The following ZDHHC16 variants were observed in gnomAD, a reference collection of about 807,000 sequenced individuals.
The protein encoded by ZDHHC16 is palmitoyltransferase ZDHHC16.
ZDHHC16 carries 33 observed loss-of-function variants against 54.4 expected under a neutral mutation model. The ratio of observed to expected loss-of-function variants is 0.61; its 90% CI spans 0.46 to 0.81. The LOEUF is 0.81. Among genes scored for constraint, ZDHHC16 ranks in the 30% least tolerant of loss-of-function variants. ZDHHC16 has a pLI of 0.00. For synonymous variants in ZDHHC16, 185 were observed against 182.1 expected, an observed-to-expected ratio of 1.02 and a Z score of -0.13; for missense variants, 420 against 485.9, an observed-to-expected ratio of 0.86 and a Z score of 1.28.
Position 97,455,484 on chromosome 10 carries a change from A to G in ZDHHC16, c.825-176A>G, listed in dbSNP as rs1050141248. 8.0e-5 allele frequency: 91 copies of G among 1,135,546 alleles called. No homozygotes were observed. The African/African-American group carries it at 1.0e-3, about 13-fold the overall frequency. 70.3% of individuals were successfully genotyped at this position (1,135,546 alleles called of 1,614,324 possible). On this transcript the variant is annotated intron_variant, in intron 9 of 11. Transcript: ENST00000393760. ...TCTTAGGCCACTTTGATGCTTTTTC[A>G]TTGATGCTCTTTATAGACATAGTGA...
chr10:97,449,858 A>ATTTTTTTTTTTTTTTTTTTTTTT (rs1412478223), intron 1 of ZDHHC16, among the ~76,000 whole-genome samples: 1 of 62,354 alleles, frequency 1.6e-5, no homozygotes, highest in African/African-American at 6.8e-5. Context: ...ACTCCCCTTA[A>ATTTTTTTTTTTTTTTTTTTTTTT]TTCTTTTTTT....
In ZDHHC16 at chr10:97,453,843, C is replaced by T; in HGVS notation, c.735C>T (p.Asn245=). 6.2e-7 allele frequency: 1 copy of T among 1,614,190 alleles called. No individual in the cohort carries two copies. Among genetic ancestry groups the T allele is most frequent in the African/African-American group, 1.3e-5 (1 of 75,050 alleles). The change falls in exon 8 of 12, where the codon AAC becomes AAT. Residue 245 remains asparagine (N), a synonymous_variant. Coordinates refer to ENST00000393760, the MANE Select transcript of ZDHHC16 (RefSeq NM_198046.3). ...LDKNKLQAVA[N]QTYHQTPPPT... is the part of the protein sequence containing the mutation. ...AGAACAAACTACAGGCGGTTGCCAACCAGGTGGGCTGTCCCCACCCCACTG... is the reference window on the plus strand; with the variant it reads ...AGAACAAACTACAGGCGGTTGCCAATCAGGTGGGCTGTCCCCACCCCACTG...
Position 97,446,245 on chromosome 10 carries a change from T to G in ZDHHC16, c.-294T>G, listed in dbSNP as rs1192645252. 2.2e-5 allele frequency: 13 copies of G among 587,830 alleles called. No individual in the cohort carries two copies. The highest frequency in any genetic ancestry group is 3.3e-5 in the Non-Finnish European group (11 of 331,976). 36.4% of individuals were successfully genotyped at this position (587,830 alleles called of 1,614,324 possible). ...GCTGCGGGCGGCGGGCCATGGTGGT[T>G]TGGATTGAGCCGGGCCCGGCCGGGG... On this transcript the variant is annotated 5_prime_UTR_variant, in exon 1 of 12. Coordinates refer to ENST00000393760, the MANE Select transcript of ZDHHC16 (RefSeq NM_198046.3).
chr10:97,453,403 AAGT>A, intron 6 of ZDHHC16, 124 bp from the exon 7 acceptor site: 1 of 1,332,964 alleles, frequency 7.5e-7, no homozygotes, highest in Non-Finnish European at 1.0e-6. Context: ...TGCCTTTGGA[AAGT>A]AGTTCTTAGT....
Position 97,452,694 on chromosome 10 carries a change from C to T in ZDHHC16, c.527+191C>T, listed in dbSNP as rs74152198. On this transcript the variant is annotated intron_variant, in intron 5 of 11. Coordinates refer to ENST00000393760, the MANE Select transcript of ZDHHC16 (RefSeq NM_198046.3). ...AGGCATTATTACCACTTGTGAAAAC[C>T]GAGGTTTGGAGAGATGAGTTACCTT... 577 of 931,920 alleles carry T rather than the reference C, an allele frequency of 6.2e-4. 1 individual carries two copies. The African/African-American group carries it at 8.2e-3, about 13-fold the overall frequency. 57.7% of individuals were successfully genotyped at this position (931,920 alleles called of 1,614,324 possible).
At position 97,451,664 on chromosome 10, in the gene ZDHHC16, C is replaced by T; in HGVS notation, c.-5-7C>T. The stretch of plus-strand genomic sequence containing the variant: ...GACTAGATCCTCACAATGGTGTGCT[C>T]TCGTAGGAACCATGCGAGGCCAGCG... On this transcript the variant is annotated splice_polypyrimidine_tract_variant and splice_region_variant and intron_variant, in intron 2 of 11. Coordinates refer to ENST00000393760, the MANE Select transcript of ZDHHC16 (RefSeq NM_198046.3). 1.2e-6 allele frequency: 2 copies of T among 1,603,882 alleles called. No individual in the cohort carries two copies. The highest frequency in any genetic ancestry group is 2.2e-5 in the South Asian group (2 of 89,304).
intron 8 of ZDHHC16, 63 bp from the exon 9 acceptor site, chr10:97,454,651 C>T (rs1846989936): frequency 2.1e-6 from 3 of 1,411,686 alleles, no homozygotes; most frequent in African/African-American, 1.4e-5. Context: ...CCTATAGGTG[C>T]TGGGGGCAGT....
intron 2 of ZDHHC16, chr10:97,450,934 TG>T (rs1288722653): frequency 1.3e-5 from 2 of 152,216 alleles, no homozygotes; most frequent in Non-Finnish European, 2.9e-5. Flanking sequence ...ACCATTTCCT[TG>T]GGGTGGGGCT....
chr10:97,456,004 T>A lies in ZDHHC16; in HGVS notation c.979T>A (p.Leu327Met), dbSNP rs1297122496. The A allele has an allele frequency of 6.2e-7, 1 of 1,614,208 alleles. No homozygotes were observed. Among genetic ancestry groups the A allele is most frequent in the Non-Finnish European group, 8.5e-7 (1 of 1,180,030 alleles). ...TAGGAATCCTTACAACTACGGCTGC[T>A]TGGACAACTGGAAGGTATTCCTGGG... ...VFRNPYNYGC[L>M]DNWKVFLGVD... Residue 327 changes from leucine to methionine, a missense_variant, in exon 11 of 12, where the codon TTG (leucine) becomes ATG (methionine). Coordinates refer to ENST00000393760, the MANE Select transcript of ZDHHC16 (RefSeq NM_198046.3).
Position 97,455,956 on chromosome 10 carries a change from T to C in ZDHHC16, c.949-18T>C, listed in dbSNP as rs1002353746. 2 of 1,613,666 alleles carry C rather than the reference T, an allele frequency of 1.2e-6. No homozygotes were observed. Among genetic ancestry groups the C allele is most frequent in the Non-Finnish European group, 1.7e-6 (2 of 1,179,848 alleles). ...GAAAAATTAGAAGTTCAAAGAAACA[T>C]GTTTTTCTTGGCTCCAGGTATTTAG... On this transcript the variant is annotated intron_variant, in intron 10 of 11. Transcript: ENST00000393760.
chr10:97,453,941 A>G (rs1402968838), intron 8 of ZDHHC16, 95 bp downstream of exon 8: 62 of 1,557,944 alleles, frequency 4.0e-5, no homozygotes, highest in Non-Finnish European at 5.5e-5. Flanking sequence ...GTAGTTGTAG[A>G]GGCTGCCGAG....
intron 6 of ZDHHC16, 80 bp from the exon 7 acceptor site, chr10:97,453,450 G>C (rs1251394767): frequency 6.4e-7 from 1 of 1,553,156 alleles, no homozygotes; most frequent in African/African-American, 1.4e-5. Flanking sequence ...GATATTGTCA[G>C]GAACCAGGGA....
chr10:97,453,446 G>C, intron 6 of ZDHHC16, 84 bp from the exon 7 acceptor site: 3 of 1,547,884 alleles, frequency 1.9e-6, no homozygotes, highest in Non-Finnish European at 2.6e-6. Flanking sequence ...GGGTGATATT[G>C]TCAGGAACCA....
intron 8 of ZDHHC16, among the ~76,000 whole-genome samples, chr10:97,454,430 T>G (rs1314120462): frequency 6.6e-6 from 1 of 151,892 alleles, no homozygotes; most frequent in Admixed American, 6.6e-5. Context: ...GGGATTGGAG[T>G]GGCTTCCCCT....
At chr10:97,452,832 G>T in intron 5 of ZDHHC16, 63 bp from the exon 6 acceptor site, 1 of 1,609,164 alleles carries the variant, frequency 6.2e-7, no homozygotes, top group Non-Finnish European at 8.5e-7. Flanking sequence ...TGTAGGGAAG[G>T]ATTGGCACTG....
At position 97,452,924 on chromosome 10, in the gene ZDHHC16, G is replaced by A. The variant is rs764555325; in HGVS notation, c.556+1G>A. On this transcript the variant is annotated splice_donor_variant, in intron 6 of 11. Transcript: ENST00000393760. LOFTEE classifies it high-confidence loss of function. ...GTGCTGAAGATGGATCACCACTGCC[G>A]TATCCTTTTGCTTTCTCTTCTGCCT... 1.3e-5 allele frequency: 21 copies of A among 1,614,046 alleles called. No homozygotes were observed. Among genetic ancestry groups the A allele is most frequent in the Middle Eastern group, 1.6e-4 (1 of 6,084 alleles).
At chr10:97,454,897 C>T in intron 9 of ZDHHC16, 98 bp downstream of exon 9, 1 of 1,017,140 alleles carries the variant, frequency 9.8e-7, no homozygotes, top group South Asian at 1.4e-5. Context: ...AGTGAACTGC[C>T]ACTGCTCTAG....
At chr10:97,455,840 T>TAA in intron 10 of ZDHHC16, 57 bp downstream of exon 10, 2 of 1,606,012 alleles carry the variant, frequency 1.2e-6, no homozygotes, top group East Asian at 4.5e-5. Context: ...TGCTCTCCTG[T>TAA]AAACAGAGGC....
intron 2 of ZDHHC16, chr10:97,451,034 T>C (rs888224278): frequency 1.3e-4 from 20 of 152,240 alleles, no homozygotes; most frequent in African/African-American, 4.3e-4. Flanking sequence ...TGCTACCAGG[T>C]TGAGTTGGCT....
Sources: gnomAD v4.1 joint callset for allele counts (sites outside exome capture counted in the v4.1 genomes callset) on GRCh38, gnomAD v4.1.1 for gene constraint, MANE v1.5 for transcripts, NCBI Gene and HGNC (gene_info 2026-07-23, HGNC 2026-07-21) for gene names.